The following ARVCF variants were observed in gnomAD, a reference collection of about 807,000 sequenced individuals.
ARVCF encodes ARVCF delta catenin family member, also known as splicing regulator ARVCF.
A neutral mutation model predicts 90.9 loss-of-function variants in ARVCF; 66 were observed. The observed-to-expected ratio is 0.73, with a 90% CI of 0.60 to 0.89. The LOEUF is 0.89. ARVCF is among the 40% of genes least tolerant of loss of function. ARVCF has a pLI of 0.00. For synonymous variants in ARVCF, 653 were observed against 603.4 expected, an observed-to-expected ratio of 1.08 and a Z score of -1.21; for missense variants, 1,469 against 1,382.3, an observed-to-expected ratio of 1.06 and a Z score of -1.00.
chr22:19,970,708 A>G lies in ARVCF; in HGVS notation c.*48T>C, dbSNP rs1361406508. The G allele has an allele frequency of 2.3e-6, 3 of 1,286,106 alleles. No homozygotes were observed. The highest frequency in any genetic ancestry group is 2.3e-5 in the Admixed American group (1 of 43,092). 79.7% of individuals were successfully genotyped at this position (1,286,106 alleles called of 1,614,324 possible). On this transcript the variant is annotated 3_prime_UTR_variant, in exon 20 of 20. Coordinates refer to ENST00000263207, the MANE Select transcript of ARVCF (RefSeq NM_001670.3). Reference sequence around the variant, plus strand: ...TGCTCAGGGTGGCCCTTCTTCCACGATCCAAGCCCTAAGAACAAGAGGCTG... The same window carrying G: ...TGCTCAGGGTGGCCCTTCTTCCACGGTCCAAGCCCTAAGAACAAGAGGCTG...
chr22:20,005,783 G>A (rs1367405495), intron 2 of ARVCF, among the ~76,000 whole-genome samples: 1 of 148,596 alleles, frequency 6.7e-6, no homozygotes, highest in Non-Finnish European at 1.5e-5. Flanking sequence ...GCGGCAGAGC[G>A]AGACTCCGTC....
Position 19,978,073 on chromosome 22 carries a change from T to C in ARVCF, c.1583A>G (p.Asn528Ser), listed in dbSNP as rs149132233. 4.4e-6 allele frequency: 7 copies of C among 1,604,712 alleles called. No homozygotes were observed. In the Admixed American group the frequency reaches 6.8e-5, roughly 16 times the overall value. The change falls in exon 8 of 20, where the codon AAT becomes AGT. Residue 528 changes from asparagine to serine, a missense_variant and splice_region_variant. Transcript: ENST00000263207. Reference sequence around the variant, plus strand: ...GGCCTCAGCACCATCGGAGCTCACATTCCTGTGTGGCCAAGAGCAGGCCAG... The same window carrying C: ...GGCCTCAGCACCATCGGAGCTCACACTCCTGTGTGGCCAAGAGCAGGCCAG... The part of the protein sequence containing the change: ...VFKNTSGCLR[N>S]VSSDGAEARR...
intron 2 of ARVCF, among the ~76,000 whole-genome samples, chr22:20,007,310 G>A (rs113783419): frequency 0.049 from 7,493 of 152,304 alleles, 219 homozygotes; most frequent in South Asian, 0.084. Flanking sequence ...GTTGAGGCAG[G>A]AGAATTGCTT....
chr22:20,010,208 A>G (rs1944775886), intron 2 of ARVCF, among the ~76,000 whole-genome samples: 1 of 152,246 alleles, frequency 6.6e-6, no homozygotes, highest in African/African-American at 2.4e-5. Flanking sequence ...CTTGTCCCTA[A>G]AGCCAGACAT....
chr22:19,966,775 C>T (rs1225336428), downstream of ARVCF, among the ~76,000 whole-genome samples: 2 of 147,416 alleles, frequency 1.4e-5, no homozygotes, highest in Non-Finnish European at 3.0e-5. Context: ...GACAGTCTCT[C>T]GCTCTGTCGC....
At chr22:19,965,567 C>T (rs960249445), downstream of ARVCF, 1 of 152,206 alleles carries the variant, frequency 6.6e-6, no homozygotes, top group African/African-American at 2.4e-5. Flanking sequence ...GTCTCAATAT[C>T]CTGACTTCGT....
chr22:20,005,456 C>A (rs1944587829), intron 2 of ARVCF, among the ~76,000 whole-genome samples: 1 of 151,718 alleles, frequency 6.6e-6, no homozygotes, highest in Admixed American at 6.6e-5. Context: ...ATCAGTATGG[C>A]AATTCCTCAA....
At chr22:19,989,944 C>T (rs1943963983) in intron 3 of ARVCF, among the ~76,000 whole-genome samples, 1 of 152,198 alleles carries the variant, frequency 6.6e-6, no homozygotes, top group Admixed American at 6.5e-5. Flanking sequence ...TGTACTTGTT[C>T]CGGCCTCCTA....
intron 2 of ARVCF, among the ~76,000 whole-genome samples, chr22:20,008,945 G>A (rs745691210): frequency 1.2e-4 from 19 of 152,128 alleles, no homozygotes; most frequent in Non-Finnish European, 2.4e-4. Flanking sequence ...GAAAAGAAGG[G>A]ACAAGAAAGG....
chr22:19,993,619 C>G (rs1040239711), intron 2 of ARVCF, among the ~76,000 whole-genome samples: 8 of 152,236 alleles, frequency 5.3e-5, no homozygotes, highest in African/African-American at 7.2e-5. Context: ...CATGACCCCC[C>G]ACCCAAAACA....
intron 16 of ARVCF, 105 bp downstream of exon 16, chr22:19,972,632 C>T (rs1288469092): frequency 8.5e-6 from 11 of 1,297,526 alleles, no homozygotes; most frequent in Middle Eastern, 2.3e-4. Flanking sequence ...CTATGGAAGC[C>T]GTCTCAGTGG....
intron 2 of ARVCF, among the ~76,000 whole-genome samples, chr22:19,998,408 G>T (rs914061589): frequency 7.9e-5 from 12 of 152,216 alleles, no homozygotes; most frequent in Non-Finnish European, 1.6e-4. Flanking sequence ...GGGCCCCTGG[G>T]GGGTAAAGCA....
At chr22:19,995,209 G>A (rs761825983) in intron 2 of ARVCF, among the ~76,000 whole-genome samples, 8 of 151,892 alleles carry the variant, frequency 5.3e-5, no homozygotes, top group Non-Finnish European at 1.0e-4. Flanking sequence ...GGGGAGATGA[G>A]AGGATGGGTG....
chr22:19,987,433 C>A (rs1415227887), intron 3 of ARVCF, among the ~76,000 whole-genome samples: 2 of 151,168 alleles, frequency 1.3e-5, no homozygotes, highest in African/African-American at 4.9e-5. Context: ...GCTCCCTCCC[C>A]CTCCCTGCGG....
At chr22:19,968,442 G>A (rs1010904589), downstream of ARVCF, 8 of 1,233,314 alleles carry the variant, frequency 6.5e-6, no homozygotes, top group Non-Finnish European at 9.3e-6. Context: ...CAGGCGTGGT[G>A]CCGTGGCCTA....
chr22:19,967,194 G>A (rs1317829575), downstream of ARVCF: 27 of 1,304,684 alleles, frequency 2.1e-5, no homozygotes, highest in Non-Finnish European at 2.7e-5. Context: ...TCAGTCCGCT[G>A]ACGTCTTCTG....
At chr22:19,969,033 G>A (rs1271319952), downstream of ARVCF, 6 of 287,722 alleles carry the variant, frequency 2.1e-5, no homozygotes, top group East Asian at 2.6e-4. Context: ...GATATAACTC[G>A]ACTTAGTACA....
At chr22:19,984,667 G>C (rs368596742) in intron 3 of ARVCF, among the ~76,000 whole-genome samples, 1 of 152,142 alleles carries the variant, frequency 6.6e-6, no homozygotes, top group Non-Finnish European at 1.5e-5. Context: ...ACATCAACCC[G>C]TGTGCTCTAA....
intron 5 of ARVCF, 126 bp from the exon 6 acceptor site, chr22:19,980,368 A>G: frequency 7.4e-7 from 1 of 1,348,572 alleles, no homozygotes; most frequent in Non-Finnish European, 9.6e-7. Flanking sequence ...GAGCACCTGT[A>G]TCTTGGCCCG....
Sources: allele counts gnomAD v4.1 joint callset (sites outside exome capture counted in the v4.1 genomes callset), GRCh38; gene constraint gnomAD v4.1.1; transcripts MANE v1.5; gene names NCBI Gene and HGNC (gene_info 2026-07-23, HGNC 2026-07-21).